The following TPP2 variants were observed in gnomAD, a reference collection of about 807,000 sequenced individuals.
TPP2 encodes tripeptidyl peptidase 2.
Under a neutral mutation model 155.9 loss-of-function variants are expected in TPP2, and 34 were observed. The ratio of observed to expected loss-of-function variants is 0.22; its 90% CI spans 0.17 to 0.29. TPP2 has a LOEUF of 0.29. Ranked by LOEUF, TPP2 falls within the 10% of genes least tolerant of loss-of-function variation. The pLI, the probability that TPP2 is intolerant of heterozygous loss-of-function variation, is 1.00. For missense variants in TPP2, 1,028 were observed against 1,522.3 expected (o/e 0.68, Z 5.40); for synonymous variants, 510 against 529.4 (o/e 0.96, Z 0.50).
intron 5 of TPP2, 34 bp downstream of exon 5, chr13:102,618,880 C>T: frequency 5.1e-6 from 8 of 1,573,518 alleles, no homozygotes; most frequent in Admixed American, 1.9e-5. Context: ...TCTTCATTTA[C>T]AAATGTTTTC....
At position 102,597,221 on chromosome 13, in the gene TPP2, GGCCCGGGC is replaced by G; in HGVS notation, c.165+21_165+28del. ...GCATGCAGGTGAGGCGGCCCCCGAGGGCCCGGGCGCGGGGGCGCGGGCGGCCGGGGACG... is the reference window on the plus strand; with the variant it reads ...GCATGCAGGTGAGGCGGCCCCCGAGGGCGGGGGCGCGGGCGGCCGGGGACG... On this transcript the variant is annotated intron_variant, in intron 1 of 29. Coordinates refer to ENST00000376052, the MANE Select transcript of TPP2 (RefSeq NM_001330588.2). The G allele has an allele frequency of 7.4e-7, 1 of 1,353,100 alleles. No individual in the cohort carries two copies. The allele number at this position is 1,353,100 out of a possible 1,614,324, so 83.8% of individuals were successfully genotyped here.
intron 25 of TPP2, among the ~76,000 whole-genome samples, chr13:102,657,630 T>G (rs547331009): frequency 1.3e-5 from 2 of 152,282 alleles, no homozygotes; most frequent in East Asian, 1.9e-4. Context: ...AAATACTATT[T>G]TTAATGTCTG....
At chr13:102,664,569 TGTAA>T (rs1329245975) in intron 26 of TPP2, among the ~76,000 whole-genome samples, 1 of 152,200 alleles carries the variant, frequency 6.6e-6, no homozygotes, top group African/African-American at 2.4e-5. Flanking sequence ...CAGCAGGGAA[TGTAA>T]ATAAGGTATT....
At chr13:102,659,710 A>T (rs1215480285) in intron 25 of TPP2, among the ~76,000 whole-genome samples, 1 of 152,246 alleles carries the variant, frequency 6.6e-6, no homozygotes, top group Non-Finnish European at 1.5e-5. Context: ...AAAAGAAGTT[A>T]TTCAGCCTGA....
At chr13:102,626,476 T>C (rs1290205569) in intron 6 of TPP2, among the ~76,000 whole-genome samples, 1 of 152,216 alleles carries the variant, frequency 6.6e-6, no homozygotes, top group Non-Finnish European at 1.5e-5. Context: ...TGTGGGTGTC[T>C]TAGTTACATG....
intron 6 of TPP2, 72 bp downstream of exon 6, chr13:102,623,112 C>A: frequency 6.8e-7 from 1 of 1,464,512 alleles, no homozygotes; most frequent in Non-Finnish European, 9.2e-7. Context: ...CGATAGCTCA[C>A]AGCAACCTTC....
chr13:102,634,419 A>C (rs1486605405), intron 11 of TPP2, among the ~76,000 whole-genome samples: 7 of 152,166 alleles, frequency 4.6e-5, no homozygotes, highest in African/African-American at 1.7e-4. Flanking sequence ...ACTCTGAACA[A>C]AATAAAAAAC....
Position 102,604,900 on chromosome 13 carries a change from C to T in TPP2, c.273C>T (p.Gly91=). 1 of 1,613,712 alleles carries T rather than the reference C, an allele frequency of 6.2e-7. No individual in the cohort carries two copies. The highest frequency in any genetic ancestry group is 1.1e-5 in the South Asian group (1 of 91,038). The part of the protein sequence containing the change: ...EVEPKDGEIV[G]LSGRVLKIPA... The stretch of plus-strand genomic sequence containing the variant: ...AGCCAAAGGATGGTGAGATTGTTGG[C>T]CTTTCAGGAAGAGTGCTTAAGGTGA... Residue 91 remains glycine (G), a synonymous_variant, in exon 2 of 30, where the codon GGC becomes GGT. Coordinates refer to ENST00000376052, the MANE Select transcript of TPP2 (RefSeq NM_001330588.2).
chr13:102,607,577 C>A, intron 2 of TPP2: 1 of 384,622 alleles, frequency 2.6e-6, no homozygotes, highest in Non-Finnish European at 5.3e-6. Context: ...AAGTATTACT[C>A]GAGCATTTAT....
chr13:102,645,426 T>C (rs1033427671), intron 19 of TPP2, among the ~76,000 whole-genome samples: 3 of 152,340 alleles, frequency 2.0e-5, no homozygotes, highest in Admixed American at 2.0e-4. Context: ...GCAGCTCCCC[T>C]TACAAAAGCA....
chr13:102,653,309 T>TC lies in TPP2; in HGVS notation c.2991+1914dup, dbSNP rs1883638592. Among the ~76,000 whole-genome samples, 3 of 152,328 alleles carry TC rather than the reference T, an allele frequency of 2.0e-5. No homozygotes were observed. The South Asian group carries it at 6.2e-4, about 32-fold the overall frequency. On this transcript the variant is annotated intron_variant, in intron 24 of 29. Coordinates refer to ENST00000376052, the MANE Select transcript of TPP2 (RefSeq NM_001330588.2). ...TGTATATAATTCTTAATAGATTTTT[T>TC]CCTCTGGGTTTCAGTGACTTGATTT...
rs1219996941 is a variant in TPP2, at chr13:102,678,670, G to A, written c.*354G>A. The A allele has an allele frequency of 1.2e-5, 2 of 162,538 alleles. No homozygotes were observed. Among genetic ancestry groups the A allele is most frequent in the Admixed American group, 6.1e-5 (1 of 16,346 alleles). 10.1% of individuals were successfully genotyped at this position (162,538 alleles called of 1,614,324 possible). On this transcript the variant is annotated 3_prime_UTR_variant, in exon 30 of 30. Coordinates refer to ENST00000376052, the MANE Select transcript of TPP2 (RefSeq NM_001330588.2). Reference sequence around the variant, plus strand: ...AAGTACTATTTTTTATTTTATAAATGAACAGGGTTTTAACGTGCTCAACTT... The same window carrying A: ...AAGTACTATTTTTTATTTTATAAATAAACAGGGTTTTAACGTGCTCAACTT...
intron 2 of TPP2, among the ~76,000 whole-genome samples, chr13:102,611,256 G>T (rs1880292716): frequency 6.6e-6 from 1 of 152,218 alleles, no homozygotes; most frequent in East Asian, 1.9e-4. Flanking sequence ...CAGAATGTGT[G>T]CATAGGAGTA....
intron 26 of TPP2, 41 bp from the exon 27 acceptor site, chr13:102,664,754 T>C (rs1034521378): frequency 6.3e-7 from 1 of 1,592,170 alleles, no homozygotes; most frequent in Non-Finnish European, 8.5e-7. Context: ...CGTATACTGA[T>C]TGATATACCT....
chr13:102,671,583 T>C (rs1884985999), intron 27 of TPP2, among the ~76,000 whole-genome samples: 1 of 152,184 alleles, frequency 6.6e-6, no homozygotes, highest in Admixed American at 6.5e-5. Flanking sequence ...CTTATCTCTT[T>C]ATAAGCGTTA....
At chr13:102,655,144 A>G in intron 24 of TPP2, 1 of 448,240 alleles carries the variant, frequency 2.2e-6, no homozygotes. Flanking sequence ...TGGAGATAGG[A>G]TTATTATTTT....
chr13:102,667,104 A>G (rs568123405), intron 27 of TPP2, among the ~76,000 whole-genome samples: 172 of 152,316 alleles, frequency 1.1e-3, no homozygotes, highest in African/African-American at 4.0e-3. Flanking sequence ...GATGTCATCT[A>G]TGGGCAAGTA....
At chr13:102,676,260 T>C in intron 28 of TPP2, 36 bp from the exon 29 acceptor site, 1 of 1,513,858 alleles carries the variant, frequency 6.6e-7, no homozygotes, top group Non-Finnish European at 8.9e-7. Flanking sequence ...ATGTAAATTA[T>C]TTTATAAACA....
At chr13:102,643,037 C>T (rs1882870707) in intron 16 of TPP2, among the ~76,000 whole-genome samples, 185 bp from the exon 17 acceptor site, 1 of 152,022 alleles carries the variant, frequency 6.6e-6, no homozygotes, top group South Asian at 2.1e-4. Flanking sequence ...AGTCTTCTAC[C>T]TTTATTAATA....
Sources: gnomAD v4.1 joint callset for allele counts (sites outside exome capture counted in the v4.1 genomes callset) on GRCh38, gnomAD v4.1.1 for gene constraint, MANE v1.5 for transcripts, NCBI Gene and HGNC (gene_info 2026-07-23, HGNC 2026-07-21) for gene names.